The following ATP8A2 variants were observed in gnomAD, a reference collection of about 807,000 sequenced individuals.
ATP8A2 encodes the protein phospholipid-transporting ATPase IB.
A neutral mutation model predicts 165.6 loss-of-function variants in ATP8A2; 100 were observed. The observed-to-expected ratio is 0.60, with a 90% CI of 0.51 to 0.71. The LOEUF is 0.71. Among genes scored for constraint, ATP8A2 ranks in the 30% least tolerant of loss-of-function variants. The pLI, the probability that ATP8A2 is intolerant of heterozygous loss-of-function variation, is 0.00. For missense variants in ATP8A2, 1,227 were observed against 1,479.5 expected (o/e 0.83, Z 2.80); for synonymous variants, 543 against 548.8 (o/e 0.99, Z 0.15).
At chr13:25,679,435 T>C (rs1293545843) in intron 24 of ATP8A2, among the ~76,000 whole-genome samples, 1 of 152,164 alleles carries the variant, frequency 6.6e-6, no homozygotes. Context: ...GGATAAACTT[T>C]GGGGCAGATA....
chr13:25,922,407 A>T (rs3783125), intron 33 of ATP8A2, among the ~76,000 whole-genome samples: 51,200 of 152,066 alleles, frequency 0.34, 8,909 homozygotes, highest in African/African-American at 0.42. Flanking sequence ...GCTGGTGACA[A>T]GACGATGAAA....
At position 25,522,846 on chromosome 13, in the gene ATP8A2, G is replaced by A. The variant is rs191533927; in HGVS notation, c.222-7153G>A. ...TTAAGAATTTTTGCATCTACTGGAC[G>A]GGCATGGTGGCTCATGCCTGTAATC... On this transcript the variant is annotated intron_variant, in intron 2 of 36. Transcript: ENST00000381655. 1.2e-3 allele frequency among the ~76,000 whole-genome samples: 190 copies of A among 152,166 alleles called. 3 individuals are homozygous for A. The highest frequency in any genetic ancestry group is 4.0e-3 in the African/African-American group (168 of 41,526).
intron 25 of ATP8A2, among the ~76,000 whole-genome samples, chr13:25,757,230 A>G (rs556483975): frequency 6.6e-6 from 1 of 152,232 alleles, no homozygotes; most frequent in South Asian, 2.1e-4. Flanking sequence ...TCTGGTCTGG[A>G]CCTTGTGCCA....
chr13:25,939,113 G>C (rs1954995829), intron 33 of ATP8A2, among the ~76,000 whole-genome samples: 1 of 152,126 alleles, frequency 6.6e-6, no homozygotes, highest in Admixed American at 6.5e-5. Flanking sequence ...AAAGTGCTGG[G>C]ATTATAGGCA....
chr13:25,728,008 C>G (rs777218571), intron 25 of ATP8A2, among the ~76,000 whole-genome samples: 3 of 152,170 alleles, frequency 2.0e-5, no homozygotes, highest in Non-Finnish European at 4.4e-5. Context: ...CTTCTCAGAT[C>G]CCAAGCTCAA....
chr13:25,986,151 T>C (rs1956277381), intron 35 of ATP8A2, among the ~76,000 whole-genome samples: 1 of 152,180 alleles, frequency 6.6e-6, no homozygotes, highest in African/African-American at 2.4e-5. Context: ...GACGTATAGA[T>C]TGGGAGATGA....
At chr13:25,647,487 T>C (rs150616994) in intron 24 of ATP8A2, among the ~76,000 whole-genome samples, 306 of 152,312 alleles carry the variant, frequency 2.0e-3, no homozygotes, top group Middle Eastern at 3.4e-3. Flanking sequence ...CCCCTTTGTA[T>C]GTAATGTATT....
chr13:25,776,501 G>A (rs1195328693), intron 27 of ATP8A2, among the ~76,000 whole-genome samples: 2 of 152,186 alleles, frequency 1.3e-5, no homozygotes, highest in Admixed American at 1.3e-4. Context: ...TGCTGGTCTT[G>A]TGCTGTAATA....
At chr13:25,500,606 G>C (rs1438992068) in intron 2 of ATP8A2, among the ~76,000 whole-genome samples, 2 of 151,624 alleles carry the variant, frequency 1.3e-5, no homozygotes, top group Non-Finnish European at 2.9e-5. Flanking sequence ...TTTTTTTTGA[G>C]ACAGGGTCTC....
At chr13:25,466,405 C>G (rs939825518) in intron 1 of ATP8A2, among the ~76,000 whole-genome samples, 2 of 152,146 alleles carry the variant, frequency 1.3e-5, no homozygotes, top group African/African-American at 4.8e-5. Context: ...GCTCTTCTGT[C>G]TGTACTCAGA....
intron 25 of ATP8A2, among the ~76,000 whole-genome samples, chr13:25,768,562 C>T (rs918658313): frequency 1.3e-5 from 2 of 152,098 alleles, no homozygotes; most frequent in Non-Finnish European, 2.9e-5. Flanking sequence ...CTTCTTTCTG[C>T]ACTTTATCAT....
At chr13:25,626,336 C>G (rs573516045) in intron 24 of ATP8A2, among the ~76,000 whole-genome samples, 99 of 152,248 alleles carry the variant, frequency 6.5e-4, no homozygotes, top group African/African-American at 2.3e-3. Context: ...CTTGCTGCAT[C>G]ATAACACAGG....
At chr13:25,615,544 C>T (rs886675960) in intron 24 of ATP8A2, among the ~76,000 whole-genome samples, 2 of 152,268 alleles carry the variant, frequency 1.3e-5, no homozygotes, top group African/African-American at 4.8e-5. Flanking sequence ...ACTCCTGATT[C>T]AACCCTTCTT....
At chr13:25,725,367 G>A (rs2043470162) in intron 25 of ATP8A2, among the ~76,000 whole-genome samples, 2 of 152,228 alleles carry the variant, frequency 1.3e-5, no homozygotes, top group Non-Finnish European at 2.9e-5. Context: ...ACAGGGCTAG[G>A]AATTGACCAT....
intron 28 of ATP8A2, among the ~76,000 whole-genome samples, chr13:25,829,693 T>C (rs1485612498): frequency 1.7e-5 from 1 of 58,574 alleles, no homozygotes; most frequent in African/African-American, 6.1e-5. Context: ...TATATATATA[T>C]ATATATATAT....
chr13:25,474,092 T>G (rs548597197), intron 2 of ATP8A2, among the ~76,000 whole-genome samples: 2 of 152,360 alleles, frequency 1.3e-5, no homozygotes, highest in African/African-American at 4.8e-5. Flanking sequence ...CAGTTTTGAA[T>G]GACTCATTCA....
intron 1 of ATP8A2, among the ~76,000 whole-genome samples, chr13:25,462,329 A>G (rs1277184044): frequency 6.6e-6 from 1 of 152,200 alleles, no homozygotes; most frequent in African/African-American, 2.4e-5. Context: ...CCACCTGCAC[A>G]TCTGACCAAC....
chr13:26,013,021 C>T (rs1160567060), intron 36 of ATP8A2, among the ~76,000 whole-genome samples: 3 of 152,140 alleles, frequency 2.0e-5, no homozygotes, highest in Non-Finnish European at 4.4e-5. Context: ...TCATGCTTCT[C>T]CCAGGAAGGC....
chr13:25,979,911 C>CA (rs1956142602), intron 35 of ATP8A2, among the ~76,000 whole-genome samples: 1 of 152,166 alleles, frequency 6.6e-6, no homozygotes, highest in African/African-American at 2.4e-5. Context: ...TCATGGCTGA[C>CA]ACTCCTGTAA....
Sources: allele counts gnomAD v4.1 joint callset (sites outside exome capture counted in the v4.1 genomes callset), GRCh38; gene constraint gnomAD v4.1.1; transcripts MANE v1.5; gene names NCBI Gene and HGNC (gene_info 2026-07-23, HGNC 2026-07-21).